The following USP16 variants were observed in gnomAD, a reference collection of about 807,000 sequenced individuals.
USP16 encodes ubiquitin specific peptidase 16.
Under a neutral mutation model 95.9 loss-of-function variants are expected in USP16, and 77 were observed. That is an observed-to-expected ratio of 0.80 (90% CI 0.67 to 0.97). USP16 has a LOEUF of 0.97. Ranked by LOEUF, USP16 falls within the 50% of genes least tolerant of loss-of-function variation. USP16 has a pLI of 0.00. For missense variants in USP16, 943 were observed against 959.9 expected (o/e 0.98, Z 0.23); for synonymous variants, 303 against 318.2 (o/e 0.95, Z 0.51).
intron 1 of USP16, chr21:29,025,785 T>C: frequency 1.0e-6 from 1 of 957,460 alleles, no homozygotes; most frequent in Non-Finnish European, 1.2e-6. Context: ...CTATTCTATT[T>C]TTCTATTTCA....
At chr21:29,047,948 A>G (rs1046623228) in intron 14 of USP16, among the ~76,000 whole-genome samples, 4 of 150,384 alleles carry the variant, frequency 2.7e-5, no homozygotes, top group Admixed American at 6.6e-5. Context: ...GTGTGTATGT[A>G]TATATATATA....
intron 2 of USP16, among the ~76,000 whole-genome samples, chr21:29,029,824 G>C (rs768092996): frequency 6.6e-6 from 1 of 152,172 alleles, no homozygotes; most frequent in Non-Finnish European, 1.5e-5. Flanking sequence ...TGAAAGACTT[G>C]AGTCTAAATT....
rs1568889926 is a variant in USP16 at position 29,039,136 on chromosome 21, C to T, written c.843C>T (p.Leu281=). Residue 281 remains leucine, a synonymous_variant, in exon 8 of 18, where the codon CTC becomes CTT. Coordinates refer to ENST00000399976, the MANE Select transcript of USP16 (RefSeq NM_006447.3). ...AGGGGGTTGTGACACCGAAAGAACT[C>T]TTTTCTCAGGTCTGTAAAAAGTGAG... The part of the protein sequence containing the change: ...TKKGVVTPKE[L]FSQVCKKAVR... 4.4e-6 allele frequency: 7 copies of T among 1,577,894 alleles called. No homozygotes were observed. In the East Asian group the frequency reaches 9.3e-5, roughly 21 times the overall value.
intron 16 of USP16, among the ~76,000 whole-genome samples, chr21:29,050,906 T>C (rs2085403846): frequency 6.6e-6 from 1 of 152,192 alleles, no homozygotes; most frequent in African/African-American, 2.4e-5. Flanking sequence ...GTATGAAGGC[T>C]GAATTTTAGG....
rs1252755427 is a variant in USP16, at chr21:29,047,073, A to G, written c.1763A>G (p.Asp588Gly). Reference sequence around the variant, plus strand: ...AATTTGAATGCTGCTCTTCATCCTGATGAAATAAATATAGAGATTCTGAAT... The same window carrying G: ...AATTTGAATGCTGCTCTTCATCCTGGTGAAATAAATATAGAGATTCTGAAT... ...NLNLNAALHP[D>G]EINIEILNDS... Residue 588 changes from aspartate to glycine, a missense_variant, in exon 14 of 18, where the codon GAT (aspartate) becomes GGT (glycine). Transcript: ENST00000399976. 4 of 1,613,976 alleles carry G rather than the reference A, an allele frequency of 2.5e-6. No homozygotes were observed. The African/African-American group carries it at 4.0e-5, about 16-fold the overall frequency.
chr21:29,045,953 G>A (rs369105286), intron 13 of USP16, among the ~76,000 whole-genome samples: 4 of 151,908 alleles, frequency 2.6e-5, no homozygotes, highest in African/African-American at 4.8e-5. Flanking sequence ...TTACAGGCGC[G>A]CACCACCCAT....
chr21:29,048,069 G>GTGTA (rs2085357360), intron 14 of USP16, among the ~76,000 whole-genome samples: 1 of 149,722 alleles, frequency 6.7e-6, no homozygotes, highest in African/African-American at 2.5e-5. Context: ...GTGTGTGTGT[G>GTGTA]TGTGTGTGTG....
rs541646067 is a variant in USP16 at position 29,039,362 on chromosome 21, G to A, written c.864-119G>A. 1.4e-5 allele frequency: 17 copies of A among 1,225,502 alleles called. No individual in the cohort carries two copies. The African/African-American group carries it at 1.7e-4, about 12-fold the overall frequency. 75.9% of individuals were successfully genotyped at this position (1,225,502 alleles called of 1,614,324 possible). A position where few individuals can be genotyped will look rare whatever the true frequency, so the allele number is the denominator to read the frequency against. On this transcript the variant is annotated intron_variant, in intron 8 of 17. Transcript: ENST00000399976. ...TCCCAAGGGTGTTAATGGACTAAAC[G>A]GAAATTTGTAGAAACCAGAACTCTC...
In USP16 at chr21:29,046,785, A is replaced by G. The variant is rs2085330139; in HGVS notation, c.1475A>G (p.Asn492Ser). 1 of 1,614,024 alleles carries G rather than the reference A, an allele frequency of 6.2e-7. No individual in the cohort carries two copies. Among genetic ancestry groups the G allele is most frequent in the Non-Finnish European group, 8.5e-7 (1 of 1,180,022 alleles). The change falls in exon 14 of 18, where the codon AAT becomes AGT. Residue 492 changes from asparagine to serine, a missense_variant. Asn to Ser is a conservative substitution (Grantham distance 46). Coordinates refer to ENST00000399976, the MANE Select transcript of USP16 (RefSeq NM_006447.3). ...EAEMSLQGEV[N>S]IKSNHISQEG... ...GAAATGTCACTTCAAGGAGAAGTAA[A>G]TATTAAATCCAACCATATTTCACAA...
In USP16 at chr21:29,046,803, T is replaced by C. The variant is rs777786241; in HGVS notation, c.1493T>C (p.Ile498Thr). ...GAAGTAAATATTAAATCCAACCATA[T>C]TTCACAAGAGGGTGTTATGCATAAA... ...QGEVNIKSNH[I>T]SQEGVMHKEY... The change falls in exon 14 of 18, where the codon ATT (isoleucine) becomes ACT (threonine). Residue 498 changes from isoleucine to threonine, a missense_variant. Physicochemically the swap from Ile to Thr is moderately conservative, Grantham distance 89. Transcript: ENST00000399976. The C allele has an allele frequency of 3.1e-6, 5 of 1,614,090 alleles. No individual in the cohort carries two copies. In the Admixed American group the frequency reaches 8.3e-5, roughly 27 times the overall value.
chr21:29,048,321 G>C (rs1299138542), intron 14 of USP16, among the ~76,000 whole-genome samples: 1 of 152,034 alleles, frequency 6.6e-6, no homozygotes, highest in Non-Finnish European at 1.5e-5. Context: ...AACCTCAAGT[G>C]ATTTGCCCGC....
chr21:29,034,239 A>G (rs575973415), intron 3 of USP16, among the ~76,000 whole-genome samples: 1 of 152,080 alleles, frequency 6.6e-6, no homozygotes, highest in Non-Finnish European at 1.5e-5. Flanking sequence ...ACTTGACTGC[A>G]TTAGTGTGGT....
At chr21:29,038,062 G>T (rs894591868) in intron 6 of USP16, among the ~76,000 whole-genome samples, 3 of 152,234 alleles carry the variant, frequency 2.0e-5, no homozygotes, top group African/African-American at 7.2e-5. Flanking sequence ...GTGGTAAGTG[G>T]TTGTGAGAGA....
chr21:29,038,411 C>A lies in USP16; in HGVS notation c.713C>A (p.Pro238Gln). 1 of 1,611,916 alleles carries A rather than the reference C, an allele frequency of 6.2e-7. No homozygotes were observed. The highest frequency in any genetic ancestry group is 8.5e-7 in the Non-Finnish European group (1 of 1,178,562). Residue 238 changes from proline to glutamine, a missense_variant, in exon 7 of 18, where the codon CCA becomes CAA. Physicochemically the swap from Pro to Gln is moderately conservative, Grantham distance 76. Transcript: ENST00000399976. ...TCTGGAACAATTGTAAAAATTGAAC[C>A]ACCTGATTTGGCATTAACAGTATGT... Reference protein sequence around the residue: ...KMSGTIVKIEPPDLALTEPLE... With the variant: ...KMSGTIVKIEQPDLALTEPLE...
intron 13 of USP16, among the ~76,000 whole-genome samples, chr21:29,044,776 T>A (rs1245228936): frequency 6.6e-6 from 1 of 152,146 alleles, no homozygotes; most frequent in Non-Finnish European, 1.5e-5. Flanking sequence ...TCTTTCTTTT[T>A]TTTAACAGTT....
rs561647871 is a variant in USP16 at position 29,032,829 on chromosome 21, A to G, written c.241-2008A>G. Among the ~76,000 whole-genome samples, 14 of 152,198 alleles carry G rather than the reference A, an allele frequency of 9.2e-5. No homozygotes were observed. The South Asian group carries it at 2.9e-3, about 32-fold the overall frequency. On this transcript the variant is annotated intron_variant, in intron 3 of 17. Transcript: ENST00000399976. Reference sequence around the variant, plus strand: ...ATGGCAATTTAATGTTTAGTTTTTTAAGAAACTGCCAAACTGCCAAACTGT... The same window carrying G: ...ATGGCAATTTAATGTTTAGTTTTTTGAGAAACTGCCAAACTGCCAAACTGT...
rs577003138 is a variant in USP16, at chr21:29,032,615, G to A, written c.240+1842G>A. Among the ~76,000 whole-genome samples the A allele has an allele frequency of 3.3e-5, 5 of 152,232 alleles. No homozygotes were observed. In the South Asian group the frequency reaches 1.0e-3, roughly 32 times the overall value. On this transcript the variant is annotated intron_variant, in intron 3 of 17. Transcript: ENST00000399976. ...AAGTTTGCTCTTTTTTTATTACTGA[G>A]CGTATTTTATGGCATATAGTACAAC...
chr21:29,042,346 A>G (rs1282812275), intron 11 of USP16, 126 bp from the exon 12 acceptor site: 1 of 1,023,308 alleles, frequency 9.8e-7, no homozygotes, highest in Admixed American at 3.0e-5. Context: ...TTCATTTCAA[A>G]TTTTCTTAAG....
intron 3 of USP16, among the ~76,000 whole-genome samples, chr21:29,033,133 T>G (rs1446197787): frequency 1.3e-5 from 2 of 152,238 alleles, no homozygotes; most frequent in East Asian, 3.8e-4. Context: ...GAATATATTT[T>G]GTGTTACAAA....
Sources: gnomAD v4.1 joint callset for allele counts (sites outside exome capture counted in the v4.1 genomes callset) on GRCh38, gnomAD v4.1.1 for gene constraint, MANE v1.5 for transcripts, NCBI Gene and HGNC (gene_info 2026-07-23, HGNC 2026-07-21) for gene names.